RGS5: variants seen among roughly 807,000 people sequenced by gnomAD.
RGS5 encodes regulator of G protein signaling 5.
Under a neutral mutation model 18.9 loss-of-function variants are expected in RGS5, and 20 were observed. That is an observed-to-expected ratio of 1.06 (90% confidence interval 0.74 to 1.54). The LOEUF (loss-of-function observed/expected upper bound fraction) is 1.54, where lower values mean the gene tolerates loss of function less well. Among genes scored for constraint, RGS5 ranks in the 40% most tolerant of loss-of-function variants. RGS5 has a pLI of 0.00. For missense variants in RGS5, 201 were observed against 211.8 expected, an observed-to-expected ratio of 0.95 and a Z score of 0.32; for synonymous variants, 57 against 76.2, an observed-to-expected ratio of 0.75 and a Z score of 1.31.
At chr1:163,265,837 G>A (rs894962622) in intron 2 of RGS5, among the ~76,000 whole-genome samples, 3 of 151,944 alleles carry the variant, frequency 2.0e-5, no homozygotes, top group Non-Finnish European at 4.4e-5. Flanking sequence ...TTCCTTTTCT[G>A]GCTTCTCATC....
At chr1:163,196,843 C>T (rs1422696480) in intron 1 of RGS5, among the ~76,000 whole-genome samples, 4 of 152,136 alleles carry the variant, frequency 2.6e-5, no homozygotes, top group Non-Finnish European at 5.9e-5. Context: ...AATGTCAACA[C>T]TGATACTGTT....
intron 2 of RGS5, among the ~76,000 whole-genome samples, chr1:163,282,864 A>G (rs1412084246): frequency 3.3e-5 from 5 of 152,206 alleles, no homozygotes; most frequent in Admixed American, 3.3e-4. Context: ...TTCACAATAG[A>G]CAAGATATGG....
intron 2 of RGS5, among the ~76,000 whole-genome samples, chr1:163,283,744 A>G (rs928673212): frequency 5.3e-5 from 8 of 152,200 alleles, no homozygotes; most frequent in Non-Finnish European, 1.5e-5. Flanking sequence ...AAAGCTCAAC[A>G]TTGCAAGGAA....
At chr1:163,160,586 G>A (rs780806555) in intron 3 of RGS5, among the ~76,000 whole-genome samples, 1 of 152,170 alleles carries the variant, frequency 6.6e-6, no homozygotes, top group Non-Finnish European at 1.5e-5. Context: ...AGACTGTGGG[G>A]TTCTGTCTCC....
intron 2 of RGS5, among the ~76,000 whole-genome samples, chr1:163,248,872 C>T (rs564444283): frequency 6.6e-6 from 1 of 152,248 alleles, no homozygotes; most frequent in Non-Finnish European, 1.5e-5. Flanking sequence ...TGGGTGGGAA[C>T]ATTTGAGCCC....
chr1:163,152,473 G>A (rs1657410945), intron 4 of RGS5, 77 bp downstream of exon 4: 1 of 1,447,020 alleles, frequency 6.9e-7, no homozygotes, highest in South Asian at 1.5e-5. Context: ...CCCAACGGGA[G>A]GTCTGTGTCT....
intron 1 of RGS5, among the ~76,000 whole-genome samples, chr1:163,309,411 A>T (rs1358888990): frequency 1.3e-5 from 2 of 152,226 alleles, no homozygotes; most frequent in African/African-American, 4.8e-5. Flanking sequence ...CTTTATCAAC[A>T]AAGTTTTGTA....
At chr1:163,286,504 T>G (rs1195469905) in intron 2 of RGS5, among the ~76,000 whole-genome samples, 1 of 152,142 alleles carries the variant, frequency 6.6e-6, no homozygotes, top group Non-Finnish European at 1.5e-5. Context: ...TTTTTCTTAT[T>G]ATTTATATTT....
At chr1:163,297,241 A>G (rs1436942450) in intron 2 of RGS5, among the ~76,000 whole-genome samples, 1 of 152,178 alleles carries the variant, frequency 6.6e-6, no homozygotes, top group Admixed American at 6.5e-5. Context: ...GTGATTTTAT[A>G]GCATGGTGCT....
At chr1:163,208,597 A>C (rs933737831) in intron 1 of RGS5, among the ~76,000 whole-genome samples, 4 of 151,092 alleles carry the variant, frequency 2.6e-5, no homozygotes, top group Non-Finnish European at 4.4e-5. Flanking sequence ...TACCTAAAAC[A>C]AAGTTATTTA....
At position 163,146,669 on chromosome 1, in the gene RGS5, T is replaced by C. The variant is rs965439533; in HGVS notation, c.*673A>G. On this transcript the variant is annotated 3_prime_UTR_variant, in exon 5 of 5. Transcript: ENST00000313961. ...ACTATGGGCAGGTGGAGGGGGCCAG[T>C]GAGGAAGGTATAAAAGAGAAATCTT... The C allele has an allele frequency of 6.6e-6, 1 of 152,130 alleles. No homozygotes were observed. Among genetic ancestry groups the C allele is most frequent in the African/African-American group, 2.4e-5 (1 of 41,440 alleles). The allele number at this position is 152,130 out of a possible 1,614,324, so 9.4% of individuals were successfully genotyped here.
At chr1:163,171,677 A>G (rs1320124590) in intron 1 of RGS5, among the ~76,000 whole-genome samples, 3 of 152,212 alleles carry the variant, frequency 2.0e-5, no homozygotes, top group Non-Finnish European at 4.4e-5. Context: ...GTTGGAGATT[A>G]AGGGATAATT....
intron 1 of RGS5, among the ~76,000 whole-genome samples, chr1:163,175,887 A>ATAG (rs1254570417): frequency 6.6e-6 from 1 of 152,174 alleles, no homozygotes; most frequent in East Asian, 1.9e-4. Context: ...TAAGGAATAT[A>ATAG]TAGTAGTAGT....
chr1:163,170,103 C>T (rs965742161), intron 1 of RGS5, among the ~76,000 whole-genome samples: 4 of 152,102 alleles, frequency 2.6e-5, no homozygotes, highest in Admixed American at 6.6e-5. Flanking sequence ...AAATATTAAT[C>T]CATAGGACAA....
rs138433662 is a variant in RGS5 at position 163,276,696 on chromosome 1, C to T, written c.-281+29537G>A. On this transcript the variant is annotated intron_variant, in intron 2 of 5. Coordinates refer to the RGS5 transcript ENST00000618415. ...GTCTTCTGACTCTAAGTCTCTTGGC[C>T]GTAAGCATCCCAACAAGGGACAAGA... 2.8e-4 allele frequency among the ~76,000 whole-genome samples: 43 copies of T among 152,264 alleles called. No homozygotes were observed. In the East Asian group the frequency reaches 2.9e-3, roughly 10 times the overall value.
intron 2 of RGS5, among the ~76,000 whole-genome samples, chr1:163,225,386 T>G (rs1383448671): frequency 6.6e-6 from 1 of 152,198 alleles, no homozygotes; most frequent in East Asian, 1.9e-4. Context: ...GCTCAAAGTT[T>G]CACATGAGAA....
chr1:163,152,358 G>A lies in RGS5; in HGVS notation c.384+192C>T, dbSNP rs555440783. The A allele has an allele frequency of 8.1e-5, 39 of 479,248 alleles. No homozygotes were observed. The South Asian group carries it at 2.3e-3, about 28-fold the overall frequency. 29.7% of individuals were successfully genotyped at this position (479,248 alleles called of 1,614,324 possible). ...GTGAGACCCATAAAACTAGAAAGCG[G>A]TCTGAACAGGATTGTTCATATATAC... On this transcript the variant is annotated intron_variant, in intron 4 of 4. Coordinates refer to ENST00000313961, the MANE Select transcript of RGS5 (RefSeq NM_003617.4).
At chr1:163,243,643 C>CAAAAAAAAA (rs3069033) in intron 2 of RGS5, among the ~76,000 whole-genome samples, 5 of 55,104 alleles carry the variant, frequency 9.1e-5, no homozygotes, top group Non-Finnish European at 1.3e-4. Flanking sequence ...GACTCCGTCT[C>CAAAAAAAAA]AAAAAAAAAA....
At chr1:163,310,362 G>A (rs563337189) in intron 1 of RGS5, among the ~76,000 whole-genome samples, 3 of 152,178 alleles carry the variant, frequency 2.0e-5, no homozygotes, top group Non-Finnish European at 2.9e-5. Flanking sequence ...CGAAGCGGGC[G>A]GATCACGAGG....
Sources: gnomAD v4.1 joint callset for allele counts (sites outside exome capture counted in the v4.1 genomes callset) on GRCh38, gnomAD v4.1.1 for gene constraint, MANE v1.5 for transcripts, NCBI Gene and HGNC (gene_info 2026-07-23, HGNC 2026-07-21) for gene names.